Variants in ABCC1 observed in about 807,000 individuals in gnomAD.
ABCC1 encodes ATP binding cassette subfamily C member 1 (ABCC1 blood group).
In ABCC1, 83 loss-of-function variants were observed where a neutral mutation model predicts 172.9. The ratio of observed to expected loss-of-function variants is 0.48; its 90% CI spans 0.40 to 0.58. The LOEUF (loss-of-function observed/expected upper bound fraction) is 0.58, where lower values mean the gene tolerates loss of function less well. Ranked by LOEUF, ABCC1 falls within the 20% of genes least tolerant of loss-of-function variation. The pLI is 0.00. For synonymous variants in ABCC1, 937 were observed against 825.2 expected (o/e 1.14, Z -2.32); for missense variants, 1,817 against 2,002.7 (o/e 0.91, Z 1.77).
At chr16:16,124,598 G>T (rs1186707906) in intron 24 of ABCC1, among the ~76,000 whole-genome samples, 191 bp from the exon 25 acceptor site, 1 of 152,188 alleles carries the variant, frequency 6.6e-6, no homozygotes, top group African/African-American at 2.4e-5. Flanking sequence ...CTGGCCTCGT[G>T]CCTTCGGCCC....
chr16:15,954,596 A>C (rs2045946346), intron 1 of ABCC1, among the ~76,000 whole-genome samples: 1 of 151,990 alleles, frequency 6.6e-6, no homozygotes, highest in Non-Finnish European at 1.5e-5. Flanking sequence ...TGGGTTCGTG[A>C]TTCAGGCCAA....
chr16:16,054,391 G>T (rs921653315), intron 11 of ABCC1, among the ~76,000 whole-genome samples: 4 of 152,164 alleles, frequency 2.6e-5, no homozygotes, highest in Non-Finnish European at 5.9e-5. Context: ...TCTCTGTGCT[G>T]TGCCGTATAG....
At chr16:15,951,216 CTTGT>C (rs1473280430) in intron 1 of ABCC1, among the ~76,000 whole-genome samples, 1 of 152,038 alleles carries the variant, frequency 6.6e-6, no homozygotes, top group African/African-American at 2.4e-5. Flanking sequence ...AGAATATTCT[CTTGT>C]TTATTTTCTT....
intron 1 of ABCC1, among the ~76,000 whole-genome samples, chr16:16,001,063 C>T (rs1249618754): frequency 6.6e-6 from 1 of 152,200 alleles, no homozygotes; most frequent in Non-Finnish European, 1.5e-5. Flanking sequence ...AGAACATTAT[C>T]TGACAACAAG....
At chr16:16,034,365 T>C (rs1027958871) in intron 6 of ABCC1, among the ~76,000 whole-genome samples, 14 of 152,122 alleles carry the variant, frequency 9.2e-5, no homozygotes, top group African/African-American at 3.4e-4. Context: ...TTTAAAAAAT[T>C]AGATGTTTTA....
intron 5 of ABCC1, among the ~76,000 whole-genome samples, chr16:16,030,512 A>G (rs246237): frequency 0.86 from 130,056 of 152,016 alleles, 56,042 homozygotes; most frequent in Non-Finnish European, 0.91. Flanking sequence ...GCGACAGAGC[A>G]AGACTCCATC....
intron 13 of ABCC1, among the ~76,000 whole-genome samples, chr16:16,070,521 C>G (rs898188934): frequency 2.6e-5 from 4 of 152,082 alleles, no homozygotes; most frequent in African/African-American, 9.6e-5. Context: ...AAAAATTAGC[C>G]AGGTGTGGTG....
rs746611649 is a variant in ABCC1 at position 16,014,447 on chromosome 16, CA to C, written c.352-35del. On this transcript the variant is annotated intron_variant, in intron 3 of 30. Transcript: ENST00000399410. ...GGGTGACAAGAGTGAAACTCTGTCT[CA>C]AAAAAAAACCCAACAACTCCTGTCT... 6.7e-5 allele frequency: 102 copies of C among 1,527,770 alleles called. 1 individual carries two copies. Among genetic ancestry groups the C allele is most frequent in the South Asian group, 3.2e-4 (27 of 84,076 alleles). The allele number at this position is 1,527,770 out of a possible 1,614,324, so 94.6% of individuals were successfully genotyped here. A position where few individuals can be genotyped will look rare whatever the true frequency, so the allele number is the denominator to read the frequency against.
intron 26 of ABCC1, among the ~76,000 whole-genome samples, chr16:16,126,402 G>T (rs2045436529): frequency 6.6e-6 from 1 of 152,116 alleles, no homozygotes; most frequent in Non-Finnish European, 1.5e-5. Flanking sequence ...TTTTTTGTGT[G>T]TGTGATGGAG....
chr16:16,103,778 A>G (rs1007860624), intron 20 of ABCC1, among the ~76,000 whole-genome samples: 6 of 152,290 alleles, frequency 3.9e-5, no homozygotes, highest in East Asian at 1.9e-4. Flanking sequence ...AACACTTCGT[A>G]GATGTCGCTT....
At chr16:15,992,999 A>G (rs1964656) in intron 1 of ABCC1, among the ~76,000 whole-genome samples, 16,614 of 151,890 alleles carry the variant, frequency 0.11, 983 homozygotes, top group Middle Eastern at 0.15. Context: ...CCAGTCTGCT[A>G]GGATGTCATC....
intron 25 of ABCC1, 48 bp downstream of exon 25, chr16:16,124,963 G>T: frequency 1.9e-6 from 3 of 1,611,814 alleles, no homozygotes; most frequent in African/African-American, 1.3e-5. Flanking sequence ...GTTAATGGGG[G>T]AGCCAGTTGT....
At chr16:16,053,665 T>A (rs565226815) in intron 11 of ABCC1, among the ~76,000 whole-genome samples, 1 of 151,196 alleles carries the variant, frequency 6.6e-6, no homozygotes, top group South Asian at 2.1e-4. Context: ...TGCGTGCCTG[T>A]AGTCCCAGCT....
At chr16:16,066,575 A>T (rs45628637) in intron 12 of ABCC1, among the ~76,000 whole-genome samples, 5 of 152,014 alleles carry the variant, frequency 3.3e-5, no homozygotes, top group Admixed American at 2.6e-4. Flanking sequence ...GAAGTCTATC[A>T]TGTAGATACA....
intron 10 of ABCC1, among the ~76,000 whole-genome samples, chr16:16,049,764 A>G (rs1464126267): frequency 6.6e-6 from 1 of 151,858 alleles, no homozygotes; most frequent in East Asian, 1.9e-4. Flanking sequence ...GCTCGCTGCA[A>G]CCTCTGCCTC....
chr16:15,972,505 G>A (rs1268870583), intron 1 of ABCC1, among the ~76,000 whole-genome samples: 1 of 152,102 alleles, frequency 6.6e-6, no homozygotes, highest in Non-Finnish European at 1.5e-5. Context: ...ACAGCCCTAG[G>A]CAATATATCT....
chr16:16,071,263 T>G (rs982553951), intron 13 of ABCC1, among the ~76,000 whole-genome samples: 1 of 149,048 alleles, frequency 6.7e-6, no homozygotes, highest in Non-Finnish European at 1.5e-5. Context: ...TTTATGTATT[T>G]TTTTTTTTTT....
intron 1 of ABCC1, 80 bp downstream of exon 1, chr16:15,949,879 C>A: frequency 8.9e-7 from 1 of 1,118,198 alleles, no homozygotes; most frequent in South Asian, 4.4e-5. Context: ...CGCAGCCGCC[C>A]GGGGCACCCC....
rs572021341 is a variant in ABCC1 at position 16,088,402 on chromosome 16, G to A, written c.2460+1411G>A. On this transcript the variant is annotated intron_variant, in intron 18 of 30. Coordinates refer to ENST00000399410, the MANE Select transcript of ABCC1 (RefSeq NM_004996.4). Reference sequence around the variant, plus strand: ...GGAGGTTGCAGTGAGCTGAGATTGCGCCACTGCACTCTAGCCTGGGTAACA... The same window carrying A: ...GGAGGTTGCAGTGAGCTGAGATTGCACCACTGCACTCTAGCCTGGGTAACA... Among the ~76,000 whole-genome samples, 16 of 152,290 alleles carry A rather than the reference G, an allele frequency of 1.1e-4. No homozygotes were observed. The East Asian group carries it at 2.1e-3, about 20-fold the overall frequency.
Sources: allele counts gnomAD v4.1 joint callset (sites outside exome capture counted in the v4.1 genomes callset), GRCh38; gene constraint gnomAD v4.1.1; transcripts MANE v1.5; gene names NCBI Gene and HGNC (gene_info 2026-07-23, HGNC 2026-07-21).